The following DAPK2 variants were observed in gnomAD, a reference collection of about 807,000 sequenced individuals.
The protein encoded by DAPK2 is death associated protein kinase 2, also known as death-associated protein kinase 2.
DAPK2 carries 35 observed loss-of-function variants against 44.1 expected under a neutral mutation model. That is an observed-to-expected ratio of 0.79 (90% CI 0.61 to 1.05). DAPK2 has a LOEUF of 1.05. Ranked by LOEUF, DAPK2 falls within the 50% of genes least tolerant of loss-of-function variation. DAPK2 has a pLI of 0.00. For synonymous variants in DAPK2, 174 were observed against 182.6 expected (o/e 0.95, Z 0.38); for missense variants, 453 against 483.2 (o/e 0.94, Z 0.59).
At chr15:64,026,056 G>A (rs969299137) in intron 1 of DAPK2, among the ~76,000 whole-genome samples, 1 of 152,116 alleles carries the variant, frequency 6.6e-6, no homozygotes, top group Non-Finnish European at 1.5e-5. Flanking sequence ...GAAAGTTCCT[G>A]GTTCTAGACC....
rs1419669689 is a variant in DAPK2, at chr15:63,966,195, C to T, written c.453+5228G>A. Among the ~76,000 whole-genome samples, 1 of 152,214 alleles carries T rather than the reference C, an allele frequency of 6.6e-6. No individual in the cohort carries two copies. Among genetic ancestry groups the T allele is most frequent in the Non-Finnish European group, 1.5e-5 (1 of 68,026 alleles). On this transcript the variant is annotated intron_variant, in intron 3 of 10. Transcript: ENST00000261891. The surrounding 1 kb of genome is among the most constrained non-coding windows in gnomAD (Gnocchi z 5.5). ...TCCCTTCAAGGCAGTGGATTCCCTT[C>T]TGGCTCAGAGAGTGTCTAGAAATGT...
intron 8 of DAPK2, chr15:63,918,431 C>G (rs1008540440): frequency 6.6e-6 from 1 of 152,306 alleles, no homozygotes; most frequent in African/African-American, 2.4e-5. Flanking sequence ...GCTGCCTTCC[C>G]CAAGGGCCAG....
intron 3 of DAPK2, among the ~76,000 whole-genome samples, chr15:63,965,504 G>T (rs996597020): frequency 1.3e-5 from 2 of 152,234 alleles, no homozygotes; most frequent in African/African-American, 2.4e-5. Context: ...CAATAGGCAG[G>T]TGGCAAAGCC....
Position 64,020,005 on chromosome 15 carries a change from A to T in DAPK2, c.92+20165T>A, listed in dbSNP as rs1173766013. ...GGCACTGGTCACAGACTTGGTGCCA[A>T]ACCACTGTGTCTAATCTCAGCAGAA... On this transcript the variant is annotated intron_variant, in intron 1 of 10. Transcript: ENST00000261891. This position sits in a 1 kb window ranked among gnomAD's most constrained non-coding sequence, Gnocchi z 4.5. Among the ~76,000 whole-genome samples, 30 of 152,214 alleles carry T rather than the reference A, an allele frequency of 2.0e-4. No homozygotes were observed. Among genetic ancestry groups the T allele is most frequent in the Admixed American group, 2.0e-3 (30 of 15,282 alleles).
intron 2 of DAPK2, among the ~76,000 whole-genome samples, chr15:63,972,790 A>G (rs778026225): frequency 1.3e-5 from 2 of 152,252 alleles, no homozygotes; most frequent in Non-Finnish European, 2.9e-5. Flanking sequence ...AAAAGTATGC[A>G]AAATTCTCAG....
At chr15:64,021,739 G>A (rs2079688489) in intron 1 of DAPK2, among the ~76,000 whole-genome samples, 1 of 152,160 alleles carries the variant, frequency 6.6e-6, no homozygotes. Flanking sequence ...AGATGGGGCT[G>A]GAAGGAAGAA....
chr15:63,994,423 A>C (rs2078895250), intron 1 of DAPK2, among the ~76,000 whole-genome samples: 1 of 69,800 alleles, frequency 1.4e-5, no homozygotes, highest in Admixed American at 1.4e-4. Flanking sequence ...GGAAGGAAGG[A>C]AGGAAGGAAG....
intron 6 of DAPK2, chr15:63,928,157 T>C (rs2079367029): frequency 6.6e-6 from 1 of 152,400 alleles, no homozygotes; most frequent in Non-Finnish European, 1.5e-5. Flanking sequence ...CAAATTCAGC[T>C]GGAGTTTTAA....
At chr15:64,046,321 TCGCGGCCGCGGCAGG>T (rs1324516965) in exon 1 of DAPK2, 1,436 of 948,844 alleles carry the variant, frequency 1.5e-3, 49 homozygotes, top group African/African-American at 0.026. This position sits in a 1 kb window ranked among gnomAD's most constrained non-coding sequence, Gnocchi z 5.3. Context: ...GCTGCCGCGG[TCGCGGCCGCGGCAGG>T]CGCGGCGGGA....
exon 11 of DAPK2, chr15:63,907,387 T>C (rs1189568490): frequency 6.6e-6 from 1 of 151,854 alleles, no homozygotes; most frequent in Non-Finnish European, 1.5e-5. Context: ...GTGGTGGCAG[T>C]GAGGTAGAGG....
At chr15:64,027,440 A>G (rs2079881345) in intron 1 of DAPK2, among the ~76,000 whole-genome samples, 1 of 151,940 alleles carries the variant, frequency 6.6e-6, no homozygotes, top group African/African-American at 2.4e-5. Flanking sequence ...ATGGTGGCAC[A>G]TAGTCCCAGC....
intron 1 of DAPK2, among the ~76,000 whole-genome samples, chr15:64,017,216 T>C (rs1378231344): frequency 6.6e-6 from 1 of 152,188 alleles, no homozygotes; most frequent in Non-Finnish European, 1.5e-5. Flanking sequence ...TAATACATAT[T>C]TGTTTTGTGA....
rs2078711460 is a variant in DAPK2 at position 63,908,846 on chromosome 15, A to T, written c.1033-246T>A. On this transcript the variant is annotated intron_variant, in intron 10 of 10. Coordinates refer to ENST00000261891, the Ensembl canonical transcript of DAPK2. This position sits in a 1 kb window ranked among gnomAD's most constrained non-coding sequence, Gnocchi z 5.7. ...CATCTAAGGGAAACCAGACATCAGGAGAGGCCAAATTATAATAAAGAAAAT... is the reference window on the plus strand; with the variant it reads ...CATCTAAGGGAAACCAGACATCAGGTGAGGCCAAATTATAATAAAGAAAAT... 1 of 345,342 alleles carries T rather than the reference A, an allele frequency of 2.9e-6. No individual in the cohort carries two copies. Among genetic ancestry groups the T allele is most frequent in the South Asian group, 7.0e-5 (1 of 14,252 alleles). The allele number at this position is 345,342 out of a possible 1,614,324, so 21.4% of individuals were successfully genotyped here.
intron 1 of DAPK2, among the ~76,000 whole-genome samples, chr15:64,016,811 G>C (rs886744612): frequency 6.9e-6 from 1 of 144,262 alleles, no homozygotes. Flanking sequence ...GAAGGGAAGG[G>C]GAAGGGGAAG....
intron 2 of DAPK2, among the ~76,000 whole-genome samples, chr15:63,972,365 A>C (rs1232720197): frequency 6.6e-6 from 1 of 152,226 alleles, no homozygotes; most frequent in Admixed American, 6.5e-5. Context: ...AAAAGCCTAC[A>C]TTGCCATGAA....
In DAPK2 at chr15:63,924,741, A is replaced by G; in HGVS notation, c.858+75T>C. 3.9e-6 allele frequency: 6 copies of G among 1,543,650 alleles called. No individual in the cohort carries two copies. The South Asian group carries it at 6.8e-5, about 17-fold the overall frequency. On this transcript the variant is annotated intron_variant, in intron 8 of 10. Coordinates refer to ENST00000261891, the Ensembl canonical transcript of DAPK2. ...AAAGGCCTCTCCATGGGCCCTCTGC[A>G]TCTGGCTGCCCAGGCCAACCCTGGC...
At chr15:63,981,828 G>A (rs1351971196) in intron 2 of DAPK2, among the ~76,000 whole-genome samples, 2 of 152,210 alleles carry the variant, frequency 1.3e-5, no homozygotes, top group Admixed American at 1.3e-4. Flanking sequence ...AGGCCCGTGG[G>A]AGAAACATGG....
intron 3 of DAPK2, among the ~76,000 whole-genome samples, chr15:63,964,751 C>A (rs886528567): frequency 6.6e-6 from 1 of 152,006 alleles, no homozygotes; most frequent in South Asian, 2.1e-4. Flanking sequence ...TTCTTCAGTA[C>A]ATCAATTGCA....
At chr15:63,982,950 G>A (rs1435032389) in intron 2 of DAPK2, among the ~76,000 whole-genome samples, 1 of 152,218 alleles carries the variant, frequency 6.6e-6, no homozygotes, top group East Asian at 1.9e-4. Flanking sequence ...AGTCTTTAAA[G>A]ATTGAACAAG....
Sources: gnomAD v4.1 joint callset for allele counts (sites outside exome capture counted in the v4.1 genomes callset) on GRCh38, gnomAD v4.1.1 for gene constraint, Gnocchi (gnomAD v3.1) non-coding constraint, MANE v1.5 for transcripts, NCBI Gene and HGNC (gene_info 2026-07-23, HGNC 2026-07-21) for gene names.